Variants in UCHL5 observed in about 807,000 individuals in gnomAD.
UCHL5 encodes ubiquitin carboxyl-terminal hydrolase isozyme L5.
A neutral mutation model predicts 53.8 loss-of-function variants in UCHL5; 34 were observed. The observed-to-expected ratio is 0.63, with a 90% CI of 0.48 to 0.84. UCHL5 has a LOEUF of 0.84. UCHL5 is among the 40% of genes least tolerant of loss of function. The pLI is 0.00. For missense variants in UCHL5, 290 were observed against 385.6 expected, an observed-to-expected ratio of 0.75 and a Z score of 2.08; for synonymous variants, 111 against 126.3, an observed-to-expected ratio of 0.88 and a Z score of 0.81.
upstream of UCHL5, chr1:193,059,842 C>T (rs933509068): frequency 6.6e-6 from 9 of 1,361,664 alleles, no homozygotes; most frequent in East Asian, 4.6e-5. The surrounding 1 kb of genome is among the most constrained non-coding windows in gnomAD (Gnocchi z 4.9). Flanking sequence ...CAAATTCTGA[C>T]CAGTCCTCCA....
intron 7 of UCHL5, 31 bp from the exon 8 acceptor site, chr1:193,023,977 A>G (rs1220863730): frequency 6.9e-7 from 1 of 1,440,876 alleles, no homozygotes; most frequent in South Asian, 1.2e-5. Flanking sequence ...TTTATAATGT[A>G]ATAAAGAATT....
chr1:193,021,261 TCCAACTCA>T (rs1656908428), intron 9 of UCHL5, 66 bp from the exon 10 acceptor site: 2 of 1,086,922 alleles, frequency 1.8e-6, no homozygotes, highest in Non-Finnish European at 2.8e-6. Flanking sequence ...ATTCTTTGCA[TCCAACTCA>T]AAATAGAAAT....
At chr1:193,042,472 C>T (rs1665917160) in intron 3 of UCHL5, among the ~76,000 whole-genome samples, 1 of 152,194 alleles carries the variant, frequency 6.6e-6, no homozygotes. Context: ...TTAAGAGCAA[C>T]TTTTTAGGAA....
At chr1:193,046,972 G>A (rs1667532453) in intron 3 of UCHL5, among the ~76,000 whole-genome samples, 1 of 151,872 alleles carries the variant, frequency 6.6e-6, no homozygotes, top group Non-Finnish European at 1.5e-5. Flanking sequence ...TTTTATACTT[G>A]GAGTTCTGGA....
chr1:193,036,340 A>AAAAAAAC (rs1663439966), intron 3 of UCHL5, among the ~76,000 whole-genome samples: 1 of 148,922 alleles, frequency 6.7e-6, no homozygotes, highest in Non-Finnish European at 1.5e-5. Context: ...AAAAAAAAAA[A>AAAAAAAC]AAGAACAGGA....
chr1:193,030,347 T>C (rs773720775), intron 3 of UCHL5, among the ~76,000 whole-genome samples: 1 of 152,212 alleles, frequency 6.6e-6, no homozygotes, highest in Non-Finnish European at 1.5e-5. Context: ...GGATTACTAT[T>C]ATCATCTTCA....
rs146243798 is a variant in UCHL5, at chr1:193,034,125, G to A, written c.247-4468C>T. Among the ~76,000 whole-genome samples, 187 of 152,098 alleles carry A rather than the reference G, an allele frequency of 1.2e-3. 3 individuals are homozygous for A. In the East Asian group the frequency reaches 0.033, roughly 27 times the overall value. On this transcript the variant is annotated intron_variant, in intron 3 of 10. Coordinates refer to ENST00000367454, the MANE Select transcript of UCHL5 (RefSeq NM_001199261.3). ...TTCAGTTTAAGTCAATTTACAGGAA[G>A]GACTGAAGGCGGCTAAAAGGAGAAA...
chr1:193,027,757 A>G, intron 7 of UCHL5: 1 of 419,384 alleles, frequency 2.4e-6, no homozygotes, highest in Non-Finnish European at 4.3e-6. Flanking sequence ...CTCTAAAGAC[A>G]AGATGACATA....
intron 10 of UCHL5, chr1:193,019,837 A>G (rs1656270565): frequency 1.1e-6 from 1 of 949,476 alleles, no homozygotes; most frequent in African/African-American, 1.8e-5. Flanking sequence ...AAATTTATAC[A>G]TTTAATATTT....
At chr1:193,028,641 G>A (rs1180558515) in intron 6 of UCHL5, among the ~76,000 whole-genome samples, 1 of 152,138 alleles carries the variant, frequency 6.6e-6, no homozygotes, top group Non-Finnish European at 1.5e-5. Context: ...CTTCAACTTT[G>A]ATAAGTGTTT....
chr1:193,047,786 C>T (rs1234221241), intron 3 of UCHL5, among the ~76,000 whole-genome samples: 1 of 152,144 alleles, frequency 6.6e-6, no homozygotes, highest in African/African-American at 2.4e-5. Context: ...GCCTTTTCCT[C>T]TTCTTTTCCA....
At chr1:193,052,261 T>C (rs1050277458) in intron 1 of UCHL5, among the ~76,000 whole-genome samples, 6 of 152,204 alleles carry the variant, frequency 3.9e-5, no homozygotes, top group African/African-American at 1.4e-4. Flanking sequence ...ATTCCAACTG[T>C]ATATTTTCAA....
chr1:193,055,286 A>G (rs1432563188), intron 1 of UCHL5, among the ~76,000 whole-genome samples: 1 of 152,152 alleles, frequency 6.6e-6, no homozygotes, highest in Non-Finnish European at 1.5e-5. Context: ...GATAATAAAG[A>G]TAATGTGTCC....
In UCHL5 at chr1:193,040,198, AG is replaced by A. The variant is rs565824147; in HGVS notation, c.246+9547del. Among the ~76,000 whole-genome samples, 12 of 152,304 alleles carry A rather than the reference AG, an allele frequency of 7.9e-5. No individual in the cohort carries two copies. In the East Asian group the frequency reaches 2.3e-3, roughly 29 times the overall value. Reference sequence around the variant, plus strand: ...GCATAACAAAGGAACCAATCAACAAAGTAAAGCGACAACCCACAGAATGGGA... The same window carrying A: ...GCATAACAAAGGAACCAATCAACAAATAAAGCGACAACCCACAGAATGGGA... On this transcript the variant is annotated intron_variant, in intron 3 of 10. Transcript: ENST00000367454.
chr1:193,029,572 A>G lies in UCHL5; in HGVS notation c.332T>C (p.Leu111Ser). The change falls in exon 4 of 11, where the codon TTA becomes TCA. Residue 111 changes from leucine (L) to serine (S), a missense_variant. By Grantham distance (145) the Leu-to-Ser change is moderately radical (BLOSUM62 -2). Transcript: ENST00000367454. ...THQDVHLGET[L>S]SEFKEFSQSF... Reference sequence around the variant, plus strand: ...TTGTGAAAATTCTTTAAACTCTGATAATGTCTCGCCTAAATGGACATCCTG... The same window carrying G: ...TTGTGAAAATTCTTTAAACTCTGATGATGTCTCGCCTAAATGGACATCCTG... 2 of 1,613,696 alleles carry G rather than the reference A, an allele frequency of 1.2e-6. No individual in the cohort carries two copies. Among genetic ancestry groups the G allele is most frequent in the Non-Finnish European group, 1.7e-6 (2 of 1,179,778 alleles).
At chr1:193,025,575 G>T (rs1357661495) in intron 7 of UCHL5, among the ~76,000 whole-genome samples, 1 of 152,102 alleles carries the variant, frequency 6.6e-6, no homozygotes, top group Non-Finnish European at 1.5e-5. Context: ...ACTCTGCTGG[G>T]GGCTAGAACA....
chr1:193,056,340 TTC>T (rs1670616509), intron 1 of UCHL5, among the ~76,000 whole-genome samples: 1 of 152,194 alleles, frequency 6.6e-6, no homozygotes, highest in Admixed American at 6.5e-5. Context: ...CTCCATTTTT[TTC>T]TCTTTTCTGT....
At chr1:193,051,091 T>C (rs1326790376) in intron 2 of UCHL5, among the ~76,000 whole-genome samples, 6 of 152,150 alleles carry the variant, frequency 3.9e-5, no homozygotes, top group Non-Finnish European at 8.8e-5. Context: ...GTTAGCATAT[T>C]CCTAAGTCCC....
intron 1 of UCHL5, among the ~76,000 whole-genome samples, chr1:193,053,920 T>C (rs1228684217): frequency 6.6e-6 from 1 of 151,264 alleles, no homozygotes; most frequent in African/African-American, 2.4e-5. Flanking sequence ...GCACATACAA[T>C]GCAAAAACTG....
Sources: allele counts gnomAD v4.1 joint callset (sites outside exome capture counted in the v4.1 genomes callset), GRCh38; gene constraint gnomAD v4.1.1; non-coding constraint Gnocchi (gnomAD v3.1); transcripts MANE v1.5; gene names NCBI Gene and HGNC (gene_info 2026-07-23, HGNC 2026-07-21).